The following MCOLN3 variants were observed in gnomAD, a reference collection of about 807,000 sequenced individuals.
MCOLN3 encodes the protein mucolipin-3.
A neutral mutation model predicts 69.4 loss-of-function variants in MCOLN3; 62 were observed. The observed-to-expected ratio is 0.89, with a 90% CI of 0.73 to 1.10. The LOEUF (loss-of-function observed/expected upper bound fraction) is 1.10. MCOLN3 is among the 50% of genes least tolerant of loss of function. The pLI is 0.00. For synonymous variants in MCOLN3, 183 were observed against 217.0 expected, an observed-to-expected ratio of 0.84 and a Z score of 1.38; for missense variants, 564 against 656.4, an observed-to-expected ratio of 0.86 and a Z score of 1.54.
intron 6 of MCOLN3, among the ~76,000 whole-genome samples, chr1:85,030,134 C>T (rs1304216470): frequency 1.3e-5 from 2 of 152,242 alleles, no homozygotes; most frequent in Non-Finnish European, 2.9e-5. Flanking sequence ...CTAACGGCTG[C>T]AAGACCCAGC....
At position 85,018,953 on chromosome 1, in the gene MCOLN3, A is replaced by G; in HGVS notation, c.*170T>C. ...AAACAATCCCAGCATAAAGTTGCAA[A>G]GACATTAAATATTGCTTTTAAAAAT... On this transcript the variant is annotated 3_prime_UTR_variant, in exon 13 of 13. Transcript: ENST00000370589. The G allele has an allele frequency of 1.7e-6, 1 of 571,900 alleles. No homozygotes were observed. The highest frequency in any genetic ancestry group is 2.9e-6 in the Non-Finnish European group (1 of 349,328). 35.4% of individuals were successfully genotyped at this position (571,900 alleles called of 1,614,324 possible).
intron 2 of MCOLN3, among the ~76,000 whole-genome samples, chr1:85,043,142 CCTGA>C (rs1321126443): frequency 6.6e-6 from 1 of 152,152 alleles, no homozygotes; most frequent in Non-Finnish European, 1.5e-5. Context: ...CTTCTAGTTT[CCTGA>C]CTATGACAGG....
chr1:85,027,464 G>C (rs1197967927), intron 7 of MCOLN3, among the ~76,000 whole-genome samples: 1 of 152,210 alleles, frequency 6.6e-6, no homozygotes, highest in African/African-American at 2.4e-5. Context: ...GTCAGTGAAA[G>C]AGCTGGGGGA....
At chr1:85,026,116 G>T in intron 8 of MCOLN3, 28 bp from the exon 9 acceptor site, 1 of 1,612,644 alleles carries the variant, frequency 6.2e-7, no homozygotes, top group Non-Finnish European at 8.5e-7. Flanking sequence ...GAGGCACAGT[G>T]AATGTCTCTG....
intron 6 of MCOLN3, among the ~76,000 whole-genome samples, chr1:85,031,810 C>T (rs1287999950): frequency 2.0e-5 from 3 of 152,070 alleles, no homozygotes; most frequent in African/African-American, 7.2e-5. Context: ...CGGTGGCTCA[C>T]GCCTGTAATC....
intron 9 of MCOLN3, chr1:85,022,976 G>T (rs1401461934): frequency 6.6e-6 from 1 of 152,260 alleles, no homozygotes; most frequent in Non-Finnish European, 1.5e-5. Flanking sequence ...TTGACAGCAG[G>T]TTGTTGGAGG....
chr1:85,039,153 C>A (rs1443532479), intron 3 of MCOLN3, among the ~76,000 whole-genome samples: 1 of 152,100 alleles, frequency 6.6e-6, no homozygotes, highest in East Asian at 1.9e-4. Context: ...TTATCTTCAG[C>A]TAAAAGTACC....
chr1:85,029,938 T>G (rs1652419824), intron 6 of MCOLN3: 1 of 152,254 alleles, frequency 6.6e-6, no homozygotes, highest in South Asian at 2.1e-4. Flanking sequence ...AAAAAAGTTC[T>G]TTGAAAACTT....
chr1:85,020,970 A>G, intron 12 of MCOLN3, 100 bp downstream of exon 12: 1 of 815,118 alleles, frequency 1.2e-6, no homozygotes, highest in Non-Finnish European at 1.9e-6. Context: ...GAAGAAATTA[A>G]CATTCCATCA....
At position 85,021,088 on chromosome 1, in the gene MCOLN3, A is replaced by G; in HGVS notation, c.1509T>C (p.Asp503=). Residue 503 remains aspartate (D), a synonymous_variant, in exon 12 of 13, where the codon GAT becomes GAC. Coordinates refer to ENST00000370589, the MANE Select transcript of MCOLN3 (RefSeq NM_018298.11). ...ILSLFIALIT[D]TYETIKQYQQ... ...AACCTACCTTAATTGTTTCGTATGT[A>G]TCAGTGATCAGTGCAATGAAAAGAC... The G allele has an allele frequency of 6.2e-7, 1 of 1,609,086 alleles. No individual in the cohort carries two copies. The highest frequency in any genetic ancestry group is 8.5e-7 in the Non-Finnish European group (1 of 1,177,744).
In MCOLN3 at chr1:85,045,194, C is replaced by T. The variant is rs750842190; in HGVS notation, c.167G>A (p.Arg56Gln). The stretch of plus-strand genomic sequence containing the variant: ...GGCAAGTTTCCATGGTTTTCTACCT[C>T]GAGCCCAGAACTTCTCACAGGGATT... Reference protein sequence around the residue: ...FMNPCEKFWARGRKPWKLAIQ... With the variant: ...FMNPCEKFWAQGRKPWKLAIQ... Residue 56 changes from arginine (R) to glutamine (Q), a missense_variant, in exon 2 of 13, where the codon CGA becomes CAA. Arg to Gln is a conservative substitution (Grantham distance 43). Coordinates refer to ENST00000370589, the MANE Select transcript of MCOLN3 (RefSeq NM_018298.11). 17 of 1,614,038 alleles carry T rather than the reference C, an allele frequency of 1.1e-5. No homozygotes were observed. Among genetic ancestry groups the T allele is most frequent in the Middle Eastern group, 1.6e-4 (1 of 6,062 alleles).
intron 4 of MCOLN3, 133 bp downstream of exon 4, chr1:85,033,965 A>C: frequency 1.0e-6 from 1 of 974,614 alleles, no homozygotes; most frequent in South Asian, 1.7e-5. Context: ...CCTGACACAT[A>C]ATAACTCGTA....
At chr1:85,044,018 T>A (rs564191559) in intron 2 of MCOLN3, among the ~76,000 whole-genome samples, 114 of 152,234 alleles carry the variant, frequency 7.5e-4, no homozygotes, top group Admixed American at 3.2e-3. Context: ...CATCCCAAAG[T>A]GCTGGAATTA....
intron 2 of MCOLN3, among the ~76,000 whole-genome samples, chr1:85,041,934 C>T (rs146677634): frequency 6.6e-6 from 1 of 150,378 alleles, no homozygotes; most frequent in East Asian, 2.0e-4. Context: ...TCTCTTCCCT[C>T]TCATCCAAAC....
chr1:85,030,288 A>C (rs1012474258), intron 6 of MCOLN3, among the ~76,000 whole-genome samples: 2 of 152,262 alleles, frequency 1.3e-5, no homozygotes, highest in African/African-American at 4.8e-5. Flanking sequence ...TGAGTAAAAA[A>C]CTGGGACTTA....
At position 85,021,109 on chromosome 1, in the gene MCOLN3, A is replaced by G. The variant is rs930639310; in HGVS notation, c.1488T>C (p.Leu496=). The part of the protein sequence containing the change: ...ISLFIYMILS[L]FIALITDTYE... Reference sequence around the variant, plus strand: ...ATGTATCAGTGATCAGTGCAATGAAAAGACTTAAAATCATATATATAAAGA... The same window carrying G: ...ATGTATCAGTGATCAGTGCAATGAAGAGACTTAAAATCATATATATAAAGA... The change falls in exon 12 of 13, where the codon CTT becomes CTC. Residue 496 remains leucine (L), a synonymous_variant. Transcript: ENST00000370589. 8 of 1,611,588 alleles carry G rather than the reference A, an allele frequency of 5.0e-6. No individual in the cohort carries two copies. The highest frequency in any genetic ancestry group is 6.8e-6 in the Non-Finnish European group (8 of 1,179,240).
chr1:85,034,539 C>T (rs1652718413), intron 3 of MCOLN3, among the ~76,000 whole-genome samples: 2 of 152,162 alleles, frequency 1.3e-5, no homozygotes, highest in South Asian at 2.1e-4. Flanking sequence ...TTTCTTTCCT[C>T]CCTTAAAGAA....
At chr1:85,047,161 C>A (rs915245760) in intron 1 of MCOLN3, 1 of 152,100 alleles carries the variant, frequency 6.6e-6, no homozygotes, top group African/African-American at 2.4e-5. Context: ...CACTTTGATA[C>A]AGGGAAAATT....
At chr1:85,031,933 G>A (rs1251403459) in intron 6 of MCOLN3, among the ~76,000 whole-genome samples, 1 of 151,878 alleles carries the variant, frequency 6.6e-6, no homozygotes, top group African/African-American at 2.4e-5. Context: ...AAAATTAGCC[G>A]GGCATGGTGG....
Sources: allele counts gnomAD v4.1 joint callset (sites outside exome capture counted in the v4.1 genomes callset), GRCh38; gene constraint gnomAD v4.1.1; transcripts MANE v1.5; gene names NCBI Gene and HGNC (gene_info 2026-07-23, HGNC 2026-07-21).